Variants in KLF12 observed in about 807,000 individuals in gnomAD.
KLF12 encodes KLF transcription factor 12, also known as Krueppel-like factor 12.
Under a neutral mutation model 37.8 loss-of-function variants are expected in KLF12, and 9 were observed. The observed-to-expected ratio is 0.24, with a 90% confidence interval of 0.14 to 0.42. The LOEUF (loss-of-function observed/expected upper bound fraction) is 0.42, where lower values mean the gene tolerates loss of function less well. Ranked by LOEUF, KLF12 falls within the 10% of genes least tolerant of loss-of-function variation. The probability of loss-of-function intolerance (pLI) is 1.00; values close to 1 mark genes in which losing one functional copy is unlikely to be tolerated. For synonymous variants in KLF12, 208 were observed against 202.1 expected, an observed-to-expected ratio of 1.03 and a Z score of -0.25; for missense variants, 411 against 516.0, an observed-to-expected ratio of 0.80 and a Z score of 1.97.
chr13:73,790,899 T>C (rs1169883261), intron 5 of KLF12, among the ~76,000 whole-genome samples: 2 of 152,198 alleles, frequency 1.3e-5, no homozygotes, highest in Admixed American at 1.3e-4. Flanking sequence ...CACTAAACCA[T>C]GCTCTCTCTT....
chr13:74,003,013 CT>C (rs1892321312), intron 1 of KLF12, among the ~76,000 whole-genome samples: 1 of 152,158 alleles, frequency 6.6e-6, no homozygotes, highest in African/African-American at 2.4e-5. Context: ...TGACTAGGTA[CT>C]TTTACATATA....
chr13:73,849,878 T>G (rs1323331440), intron 3 of KLF12, among the ~76,000 whole-genome samples: 1 of 152,198 alleles, frequency 6.6e-6, no homozygotes, highest in Non-Finnish European at 1.5e-5. Flanking sequence ...TTGCTGTTGA[T>G]GTCCCTGGTA....
chr13:74,292,217 G>T, the KLF12 span, among the ~76,000 whole-genome samples: 1 of 152,180 alleles, frequency 6.6e-6, no homozygotes, highest in African/African-American at 2.4e-5. Context: ...TAACAGCATG[G>T]TGTTGAGTAC....
chr13:73,822,134 T>A (rs1883562169), intron 4 of KLF12, among the ~76,000 whole-genome samples: 1 of 152,236 alleles, frequency 6.6e-6, no homozygotes, highest in South Asian at 2.1e-4. Flanking sequence ...TGCAATATAA[T>A]GATGCAAGTG....
intron 1 of KLF12, among the ~76,000 whole-genome samples, chr13:74,058,723 A>G (rs892263525): frequency 6.6e-6 from 1 of 152,190 alleles, no homozygotes; most frequent in Non-Finnish European, 1.5e-5. Flanking sequence ...AAAAGAAGGA[A>G]AGACATTTTA....
intron 6 of KLF12, among the ~76,000 whole-genome samples, chr13:73,749,899 T>C (rs1231140945): frequency 2.6e-5 from 4 of 152,194 alleles, no homozygotes; most frequent in African/African-American, 9.6e-5. Flanking sequence ...TTCTGTGACA[T>C]AAAGCTCTTT....
the KLF12 span, among the ~76,000 whole-genome samples, chr13:74,291,954 T>C: frequency 6.6e-6 from 1 of 152,196 alleles, no homozygotes. Context: ...TGTTGTAAAA[T>C]TTGATTATTT....
chr13:74,122,677 C>T (rs770105350), intron 1 of KLF12, among the ~76,000 whole-genome samples: 1 of 151,912 alleles, frequency 6.6e-6, no homozygotes, highest in Non-Finnish European at 1.5e-5. Context: ...AATAACCACT[C>T]CTTGGAATAC....
intron 3 of KLF12, among the ~76,000 whole-genome samples, chr13:73,879,453 C>T (rs1178451368): frequency 1.3e-5 from 2 of 152,192 alleles, no homozygotes; most frequent in African/African-American, 4.8e-5. Flanking sequence ...GGTAATTATA[C>T]ACTGTAGACA....
intron 4 of KLF12, among the ~76,000 whole-genome samples, chr13:73,836,661 A>G (rs1019100228): frequency 2.5e-4 from 38 of 152,334 alleles, no homozygotes; most frequent in South Asian, 8.3e-4. Flanking sequence ...ATATTTAATA[A>G]GAACATAATT....
chr13:74,178,716 A>G, the KLF12 span, among the ~76,000 whole-genome samples: 1 of 152,128 alleles, frequency 6.6e-6, no homozygotes, highest in Non-Finnish European at 1.5e-5. Flanking sequence ...TGGAGACACA[A>G]TTTGCCTGCT....
intron 1 of KLF12, among the ~76,000 whole-genome samples, chr13:74,096,990 AT>A (rs1876020619): frequency 6.6e-6 from 1 of 152,124 alleles, no homozygotes; most frequent in South Asian, 2.1e-4. Flanking sequence ...CAAATTCCAA[AT>A]TTTTTTCCCC....
At chr13:74,182,293 A>G in the KLF12 span, among the ~76,000 whole-genome samples, 1 of 152,236 alleles carries the variant, frequency 6.6e-6, no homozygotes, top group Non-Finnish European at 1.5e-5. Context: ...CATCCTTGAC[A>G]AAGAGCCTGT....
chr13:74,003,465 G>A lies in KLF12; in HGVS notation c.-31-8412C>T, dbSNP rs188654645. On this transcript the variant is annotated intron_variant, in intron 1 of 7. Coordinates refer to ENST00000377669, the MANE Select transcript of KLF12 (RefSeq NM_007249.5). ...AAAAGAAGCCTGTTGATATGAAAGG[G>A]GGATTCATTTCAAGGAAATAATAAA... Among the ~76,000 whole-genome samples the A allele has an allele frequency of 4.0e-3, 606 of 152,234 alleles. 3 individuals are homozygous for A. The highest frequency in any genetic ancestry group is 0.014 in the African/African-American group (579 of 41,546).
chr13:74,193,499 C>T, the KLF12 span, among the ~76,000 whole-genome samples: 2 of 152,144 alleles, frequency 1.3e-5, no homozygotes, highest in East Asian at 3.9e-4. Context: ...CTCTACAGCC[C>T]ACACTTCCAT....
intron 5 of KLF12, among the ~76,000 whole-genome samples, chr13:73,793,751 A>C (rs1219203237): frequency 2.6e-5 from 4 of 152,344 alleles, no homozygotes; most frequent in Admixed American, 6.5e-5. Context: ...ATAACTGATT[A>C]TTAAAGAACC....
chr13:73,855,371 T>C (rs1164752340), intron 3 of KLF12, among the ~76,000 whole-genome samples: 4 of 152,152 alleles, frequency 2.6e-5, no homozygotes, highest in Non-Finnish European at 4.4e-5. Flanking sequence ...TTAGTTCGCT[T>C]AGGATAATGA....
At chr13:73,852,337 G>A (rs1885375798) in intron 3 of KLF12, among the ~76,000 whole-genome samples, 1 of 152,198 alleles carries the variant, frequency 6.6e-6, no homozygotes. Context: ...AAGTACAGAT[G>A]ACAGAGTAAA....
chr13:74,259,608 C>A, the KLF12 span: 1 of 152,028 alleles, frequency 6.6e-6, no homozygotes, highest in Non-Finnish European at 1.5e-5. Flanking sequence ...TTCCAAATGC[C>A]TTTTTTAAAA....
Sources: gnomAD v4.1 joint callset for allele counts (sites outside exome capture counted in the v4.1 genomes callset) on GRCh38, gnomAD v4.1.1 for gene constraint, MANE v1.5 for transcripts, NCBI Gene and HGNC (gene_info 2026-07-23, HGNC 2026-07-21) for gene names.